Variants in MAX observed in about 807,000 individuals in gnomAD.
MAX encodes protein max.
MAX carries 3 observed loss-of-function variants against 22.3 expected under a neutral mutation model. That is an observed-to-expected ratio of 0.13 (90% CI 0.06 to 0.35). The LOEUF (loss-of-function observed/expected upper bound fraction) is 0.35, where lower values mean the gene tolerates loss of function less well. MAX is among the 10% of genes least tolerant of loss of function. MAX has a pLI of 1.00. For missense variants in MAX, 119 were observed against 209.4 expected, an observed-to-expected ratio of 0.57 and a Z score of 2.66; for synonymous variants, 72 against 77.7, an observed-to-expected ratio of 0.93 and a Z score of 0.39.
chr14:65,023,715 C>T lies in MAX; in HGVS notation c.172-17431G>A, dbSNP rs1161261754. ...TTAAATTGCCTCATGTGGCTAGTGG[C>T]TGCCTATTGGACAGCACAGATGTAT... is the stretch of plus-strand genomic sequence containing the variant. On this transcript the variant is annotated intron_variant, in intron 3 of 3. Coordinates refer to the MAX transcript ENST00000341653. This position sits in a 1 kb window ranked among gnomAD's most constrained non-coding sequence, Gnocchi z 4.1. 6.6e-6 allele frequency among the ~76,000 whole-genome samples: 1 copy of T among 152,108 alleles called. No individual in the cohort carries two copies. The highest frequency in any genetic ancestry group is 1.5e-5 in the Non-Finnish European group (1 of 67,994).
At chr14:65,015,044 G>A (rs1397236499) in intron 3 of MAX, among the ~76,000 whole-genome samples, 2 of 151,866 alleles carry the variant, frequency 1.3e-5, no homozygotes, top group Non-Finnish European at 2.9e-5. Context: ...GCCTGCCAGG[G>A]AGGGATCCAC....
rs1231356008 is a variant in MAX at position 65,023,890 on chromosome 14, C to G, written c.172-17606G>C. Among the ~76,000 whole-genome samples, 1 of 152,034 alleles carries G rather than the reference C, an allele frequency of 6.6e-6. No homozygotes were observed. The highest frequency in any genetic ancestry group is 6.6e-5 in the Admixed American group (1 of 15,254). ...CCAAGGCGGGCGGATTGTCTGAGCT[C>G]GGGAGTTCGAGACCAGCCTGGGCAA... is the stretch of plus-strand genomic sequence containing the variant. On this transcript the variant is annotated intron_variant, in intron 3 of 3. Transcript: ENST00000341653. The surrounding 1 kb of genome is among the most constrained non-coding windows in gnomAD (Gnocchi z 4.1).
rs1244241622 is a variant in MAX at position 65,084,317 on chromosome 14, G to A, written c.172-6281C>T. The A allele has an allele frequency of 4.4e-6, 6 of 1,369,910 alleles. No individual in the cohort carries two copies. Among genetic ancestry groups the A allele is most frequent in the East Asian group, 2.3e-5 (1 of 43,702 alleles). The allele number at this position is 1,369,910 out of a possible 1,614,324, so 84.9% of individuals were successfully genotyped here. Reference sequence around the variant, plus strand: ...AAATAGAGCTAGTAAATAAACATGTGGAAAAGCAATTAATTTCACAAGTAA... The same window carrying A: ...AAATAGAGCTAGTAAATAAACATGTAGAAAAGCAATTAATTTCACAAGTAA... On this transcript the variant is annotated intron_variant, in intron 3 of 4. Transcript: ENST00000358664. This position sits in a 1 kb window ranked among gnomAD's most constrained non-coding sequence, Gnocchi z 4.3.
intron 3 of MAX, among the ~76,000 whole-genome samples, chr14:65,039,268 G>A (rs1354494274): frequency 4.6e-5 from 7 of 152,148 alleles, no homozygotes; most frequent in Non-Finnish European, 4.4e-5. Context: ...GTATGAAACT[G>A]GCAGCCTTGT....
intron 3 of MAX, among the ~76,000 whole-genome samples, chr14:65,021,158 C>T (rs1452680821): frequency 1.3e-5 from 2 of 152,234 alleles, no homozygotes; most frequent in Non-Finnish European, 2.9e-5. Context: ...GAAGCATCCT[C>T]TAATGAGAAT....
Position 65,022,000 on chromosome 14 carries a change from A to G in MAX, c.172-15716T>C, listed in dbSNP as rs543935340. The G allele has an allele frequency of 5.9e-5, 27 of 455,946 alleles. No homozygotes were observed. The East Asian group carries it at 1.7e-3, about 28-fold the overall frequency. The allele number at this position is 455,946 out of a possible 1,614,324, so 28.2% of individuals were successfully genotyped here. A position where few individuals can be genotyped will look rare whatever the true frequency, so the allele number is the denominator to read the frequency against. ...CTTCCAGAACAGCAGCCATCCAGAG[A>G]CTTGCCGGTGCTTGATGAAGAGTCA... On this transcript the variant is annotated intron_variant, in intron 3 of 3. Transcript: ENST00000341653.
chr14:65,015,779 G>A, intron 3 of MAX: 3 of 1,572,520 alleles, frequency 1.9e-6, no homozygotes, highest in Non-Finnish European at 2.6e-6. Flanking sequence ...TTGGGATTTT[G>A]TTTTGTTTCT....
chr14:65,090,466 A>G (rs985978071), intron 3 of MAX: 1 of 152,172 alleles, frequency 6.6e-6, no homozygotes, highest in South Asian at 2.1e-4. Context: ...ATTGCAATAC[A>G]ATGTCAATTA....
intron 3 of MAX, among the ~76,000 whole-genome samples, chr14:65,064,104 GATA>G (rs976065445): frequency 2.0e-5 from 3 of 152,154 alleles, no homozygotes; most frequent in Non-Finnish European, 2.9e-5. Flanking sequence ...ACACCCCTGA[GATA>G]ATAATACCAG....
Position 65,077,400 on chromosome 14 carries a change from C to A in MAX, c.295+513G>T, listed in dbSNP as rs748444616. 1 of 1,613,908 alleles carries A rather than the reference C, an allele frequency of 6.2e-7. No homozygotes were observed. The highest frequency in any genetic ancestry group is 1.1e-5 in the South Asian group (1 of 91,076). On this transcript the variant is annotated intron_variant, in intron 4 of 4. Coordinates refer to ENST00000358664, the MANE Select transcript of MAX (RefSeq NM_002382.5). This position sits in a 1 kb window ranked among gnomAD's most constrained non-coding sequence, Gnocchi z 6.3. Reference sequence around the variant, plus strand: ...GGAAGAGAAGTGAATTCCCCAGGAACAAAGAACTTGATCAGCTCTCGCTTT... The same window carrying A: ...GGAAGAGAAGTGAATTCCCCAGGAAAAAAGAACTTGATCAGCTCTCGCTTT...
rs1017044594 is a variant in MAX, at chr14:65,069,926, G to A, written c.171+23782C>T. Among the ~76,000 whole-genome samples, 6 of 152,226 alleles carry A rather than the reference G, an allele frequency of 3.9e-5. No homozygotes were observed. The South Asian group carries it at 1.0e-3, about 26-fold the overall frequency. Reference sequence around the variant, plus strand: ...ATGACATTCCTCCTCTTAGCTGGCTGGTCTTGTTGTGGCCTTTTGGCCCAA... The same window carrying A: ...ATGACATTCCTCCTCTTAGCTGGCTAGTCTTGTTGTGGCCTTTTGGCCCAA... On this transcript the variant is annotated intron_variant, in intron 3 of 3. Coordinates refer to the MAX transcript ENST00000341653. The surrounding 1 kb of genome is among the most constrained non-coding windows in gnomAD (Gnocchi z 4.6).
At chr14:65,063,942 C>T (rs907351450) in intron 3 of MAX, among the ~76,000 whole-genome samples, 2 of 152,160 alleles carry the variant, frequency 1.3e-5, no homozygotes, top group Non-Finnish European at 2.9e-5. Context: ...TACTTTCTCC[C>T]ATCAATAAAC....
chr14:65,045,914 T>G (rs1421804097), intron 3 of MAX, among the ~76,000 whole-genome samples: 1 of 152,246 alleles, frequency 6.6e-6, no homozygotes, highest in Admixed American at 6.5e-5. Flanking sequence ...GCACTGACTT[T>G]GGAGCCTGCA....
At position 65,062,877 on chromosome 14, in the gene MAX, A is replaced by T. The variant is rs570626222; in HGVS notation, c.171+30831T>A. Among the ~76,000 whole-genome samples the T allele has an allele frequency of 8.5e-4, 129 of 152,296 alleles. No individual in the cohort carries two copies. The highest frequency in any genetic ancestry group is 3.4e-3 in the Middle Eastern group (1 of 294). On this transcript the variant is annotated intron_variant, in intron 3 of 3. Coordinates refer to the MAX transcript ENST00000341653. This position sits in a 1 kb window ranked among gnomAD's most constrained non-coding sequence, Gnocchi z 4.3. ...AGATGTTTTCCAAGCTCCCTGGGGTAATTCGGTATGCTATGTCCCAGCCCT... is the reference window on the plus strand; with the variant it reads ...AGATGTTTTCCAAGCTCCCTGGGGTTATTCGGTATGCTATGTCCCAGCCCT...
chr14:65,087,789 T>C (rs1316347316), intron 3 of MAX, among the ~76,000 whole-genome samples: 4 of 152,106 alleles, frequency 2.6e-5, no homozygotes, highest in Admixed American at 6.5e-5. Context: ...GGTTTTGAAA[T>C]GTGAGGACAT....
chr14:65,016,483 T>C (rs964958111), intron 3 of MAX: 5 of 152,234 alleles, frequency 3.3e-5, no homozygotes, highest in Admixed American at 6.5e-5. Context: ...CTTCCTCTGG[T>C]GCTCTTGAGG....
Position 65,077,794 on chromosome 14 carries a change from C to T in MAX, c.295+119G>A, listed in dbSNP as rs751010521. ...GTTACTCAGGCCCCAAGAAGCAGGA[C>T]CAAGCCTGCTACTGAGCACATACTC... On this transcript the variant is annotated intron_variant, in intron 4 of 4. Coordinates refer to ENST00000358664, the MANE Select transcript of MAX (RefSeq NM_002382.5). This position sits in a 1 kb window ranked among gnomAD's most constrained non-coding sequence, Gnocchi z 6.3. 2.7e-5 allele frequency: 43 copies of T among 1,614,024 alleles called. No homozygotes were observed. The Middle Eastern group carries it at 5.0e-4, about 19-fold the overall frequency.
In MAX at chr14:65,054,486, TG is replaced by T; in HGVS notation, c.171+39221del. 7.6e-7 allele frequency: 1 copy of T among 1,312,082 alleles called. No individual in the cohort carries two copies. 81.3% of individuals were successfully genotyped at this position (1,312,082 alleles called of 1,614,324 possible). A position where few individuals can be genotyped will look rare whatever the true frequency, so the allele number is the denominator to read the frequency against. ...TGGAGGATGGGGGGGGACGTGTGAT[TG>T]CACCAGTGGTCTCTGAATTGGTGTG... On this transcript the variant is annotated intron_variant, in intron 3 of 3. Transcript: ENST00000341653. The surrounding 1 kb of genome is among the most constrained non-coding windows in gnomAD (Gnocchi z 4.4).
chr14:65,070,128 T>C (rs1025968948), downstream of MAX, among the ~76,000 whole-genome samples: 19 of 152,144 alleles, frequency 1.2e-4, no homozygotes, highest in African/African-American at 4.6e-4. The surrounding 1 kb of genome is among the most constrained non-coding windows in gnomAD (Gnocchi z 4.4). Context: ...GCATGCCCAT[T>C]GGGTTATTTT....
Sources: gnomAD v4.1 joint callset for allele counts (sites outside exome capture counted in the v4.1 genomes callset) on GRCh38, gnomAD v4.1.1 for gene constraint, Gnocchi (gnomAD v3.1) non-coding constraint, MANE v1.5 for transcripts, NCBI Gene and HGNC (gene_info 2026-07-23, HGNC 2026-07-21) for gene names.